OPA3: variants seen among roughly 807,000 people sequenced by gnomAD.
OPA3 encodes optic atrophy 3 protein.
In OPA3, 6 loss-of-function variants were observed where a neutral mutation model predicts 4.0. That is an observed-to-expected ratio of 1.51 (90% CI 0.83 to 2.99). OPA3 has a LOEUF of 2.99. Ranked by LOEUF, OPA3 falls within the 30% of genes most tolerant of loss-of-function variation. OPA3 has a pLI of 0.00. For missense variants in OPA3, 235 were observed against 256.2 expected (o/e 0.92, Z 0.56); for synonymous variants, 105 against 117.1 (o/e 0.90, Z 0.67).
At chr19:45,539,087 G>A (rs576300554) in intron 1 of OPA3, among the ~76,000 whole-genome samples, 37 of 152,260 alleles carry the variant, frequency 2.4e-4, no homozygotes, top group African/African-American at 7.9e-4. Flanking sequence ...TAGATCTCAT[G>A]AGAATTCACT....
chr19:45,528,813 T>C, exon 2 of OPA3: 3 of 474,202 alleles, frequency 6.3e-6, no homozygotes, highest in South Asian at 8.1e-5. Context: ...CGGGGTGGGA[T>C]AGGGCGGGGT....
rs1969318822 is a variant in OPA3, at chr19:45,550,651, C to T, written c.*2863G>A. 1 of 986,090 alleles carries T rather than the reference C, an allele frequency of 1.0e-6. No individual in the cohort carries two copies. Among genetic ancestry groups the T allele is most frequent in the Non-Finnish European group, 1.2e-6 (1 of 830,370 alleles). The allele number at this position is 986,090 out of a possible 1,614,324, so 61.1% of individuals were successfully genotyped here. On this transcript the variant is annotated 3_prime_UTR_variant, in exon 2 of 2. Coordinates refer to ENST00000263275, the MANE Select transcript of OPA3 (RefSeq NM_025136.4). Reference sequence around the variant, plus strand: ...TTACCCCTGGCCTTAGTTTCCCCAGCTCATAGGGTGACTCTTGGGCCTCTC... The same window carrying T: ...TTACCCCTGGCCTTAGTTTCCCCAGTTCATAGGGTGACTCTTGGGCCTCTC...
intron 1 of OPA3, among the ~76,000 whole-genome samples, chr19:45,575,482 A>C (rs1375242481): frequency 1.3e-5 from 2 of 152,196 alleles, no homozygotes; most frequent in Non-Finnish European, 2.9e-5. Flanking sequence ...AATTCATAAG[A>C]ATGGCCACAG....
chr19:45,576,871 G>A (rs1310380889), intron 1 of OPA3, among the ~76,000 whole-genome samples: 1 of 152,186 alleles, frequency 6.6e-6, no homozygotes, highest in Non-Finnish European at 1.5e-5. Flanking sequence ...CCTTTGCTGT[G>A]CATGGTAACA....
chr19:45,552,976 G>C lies in OPA3; in HGVS notation c.*538C>G. 5 of 991,482 alleles carry C rather than the reference G, an allele frequency of 5.0e-6. No homozygotes were observed. The highest frequency in any genetic ancestry group is 6.0e-6 in the Non-Finnish European group (5 of 833,818). The allele number at this position is 991,482 out of a possible 1,614,324, so 61.4% of individuals were successfully genotyped here. A position where few individuals can be genotyped will look rare whatever the true frequency, so the allele number is the denominator to read the frequency against. On this transcript the variant is annotated 3_prime_UTR_variant, in exon 2 of 2. Transcript: ENST00000263275. ...CAGGCGTGAGCCACCGCTCCCAGCC[G>C]CACCGTTTTTTTCCTCCTTAAGAGA...
At chr19:45,564,961 T>C (rs1240862664) in intron 1 of OPA3, among the ~76,000 whole-genome samples, 1 of 151,720 alleles carries the variant, frequency 6.6e-6, no homozygotes, top group Non-Finnish European at 1.5e-5. Context: ...GCGTGGTGGC[T>C]CACGCCTGTA....
intron 1 of OPA3, among the ~76,000 whole-genome samples, chr19:45,580,879 GT>G (rs778441033): frequency 6.6e-6 from 1 of 151,990 alleles, no homozygotes; most frequent in Non-Finnish European, 1.5e-5. Flanking sequence ...GCCTTCCAAA[GT>G]GCTGGGATTA....
At chr19:45,581,821 GAC>G (rs1239526128) in intron 1 of OPA3, among the ~76,000 whole-genome samples, 1 of 152,156 alleles carries the variant, frequency 6.6e-6, no homozygotes, top group African/African-American at 2.4e-5. Flanking sequence ...TTGAGATTGA[GAC>G]AGTCTTGCTC....
In OPA3 at chr19:45,539,015, C is replaced by A. The variant is rs191808592; in HGVS notation, c.143-9559G>T. Among the ~76,000 whole-genome samples, 108 of 152,262 alleles carry A rather than the reference C, an allele frequency of 7.1e-4. 2 individuals carry two copies. Among genetic ancestry groups the A allele is most frequent in the Admixed American group, 3.3e-4 (5 of 15,278 alleles). ...GAAGGCAAAGGGGAAGCAGGCACCT[C>A]CTCACAAGGCAGCAGGAGGGAGAAG... On this transcript the variant is annotated intron_variant, in intron 1 of 1. Transcript: ENST00000323060.
At chr19:45,534,560 C>CAAAAA (rs71173177) in intron 1 of OPA3, among the ~76,000 whole-genome samples, 13 of 54,984 alleles carry the variant, frequency 2.4e-4, no homozygotes, top group African/African-American at 8.9e-4. Context: ...AACTCTGTCC[C>CAAAAA]AAAAAAAAAA....
exon 2 of OPA3, chr19:45,529,074 C>A (rs759025249): frequency 9.4e-6 from 15 of 1,599,344 alleles, no homozygotes; most frequent in Admixed American, 3.4e-5. Context: ...CGGACGCCGG[C>A]GCAACTGGGG....
exon 2 of OPA3, chr19:45,529,344 G>T: frequency 6.2e-7 from 1 of 1,614,152 alleles, no homozygotes. Flanking sequence ...TGATGCCCTC[G>T]CCCAGCAGCT....
chr19:45,539,689 G>T (rs945805161), intron 1 of OPA3, among the ~76,000 whole-genome samples: 8 of 151,848 alleles, frequency 5.3e-5, no homozygotes, highest in African/African-American at 1.7e-4. Flanking sequence ...GTGGGGCTGA[G>T]GTTGCAGTGA....
At chr19:45,545,697 T>G (rs182896449), downstream of OPA3, among the ~76,000 whole-genome samples, 47 of 151,470 alleles carry the variant, frequency 3.1e-4, no homozygotes, top group African/African-American at 1.1e-3. Context: ...ATACATCATA[T>G]GTACATGCTT....
chr19:45,557,301 G>A (rs1419285542), intron 1 of OPA3, among the ~76,000 whole-genome samples: 3 of 152,122 alleles, frequency 2.0e-5, no homozygotes, highest in Non-Finnish European at 4.4e-5. Flanking sequence ...TGGGCTTTCA[G>A]GGCTTTCAGA....
chr19:45,578,973 G>A (rs1230929032), intron 1 of OPA3, among the ~76,000 whole-genome samples: 1 of 151,940 alleles, frequency 6.6e-6, no homozygotes, highest in African/African-American at 2.4e-5. Flanking sequence ...CCCCTTTCCC[G>A]TCATCAGTTT....
chr19:45,577,658 G>T (rs1220273221), intron 1 of OPA3, among the ~76,000 whole-genome samples: 1 of 152,124 alleles, frequency 6.6e-6, no homozygotes, highest in East Asian at 1.9e-4. Flanking sequence ...AAAAGGAAAG[G>T]TTCTTGACAT....
chr19:45,579,823 C>A (rs1191384208), intron 1 of OPA3, among the ~76,000 whole-genome samples: 2 of 152,004 alleles, frequency 1.3e-5, no homozygotes, highest in African/African-American at 4.8e-5. Context: ...GTGCTGCAGA[C>A]AAGCCGTGGC....
chr19:45,556,974 G>A (rs988260617), intron 1 of OPA3, among the ~76,000 whole-genome samples: 2 of 152,242 alleles, frequency 1.3e-5, no homozygotes, highest in Non-Finnish European at 2.9e-5. Context: ...AGGAAGGACA[G>A]CATCATCCTG....
Sources: allele counts gnomAD v4.1 joint callset (sites outside exome capture counted in the v4.1 genomes callset), GRCh38; gene constraint gnomAD v4.1.1; transcripts MANE v1.5; gene names NCBI Gene and HGNC (gene_info 2026-07-23, HGNC 2026-07-21).